The following ELMOD1 variants were observed in gnomAD, a reference collection of about 807,000 sequenced individuals.
ELMOD1 encodes ELMO domain containing 1.
In ELMOD1, 21 loss-of-function variants were observed where a neutral mutation model predicts 46.7. The ratio of observed to expected loss-of-function variants is 0.45; its 90% CI spans 0.32 to 0.65. ELMOD1 has a LOEUF of 0.65. Among genes scored for constraint, ELMOD1 ranks in the 30% least tolerant of loss-of-function variants. The pLI is 0.04. For synonymous variants in ELMOD1, 122 were observed against 138.2 expected, an observed-to-expected ratio of 0.88 and a Z score of 0.82; for missense variants, 348 against 407.8, an observed-to-expected ratio of 0.85 and a Z score of 1.26.
intron 11 of ELMOD1, among the ~76,000 whole-genome samples, chr11:107,663,427 A>G (rs586083): frequency 0.78 from 119,120 of 152,002 alleles, 47,568 homozygotes; most frequent in African/African-American, 0.94. Flanking sequence ...GCAGGATCAC[A>G]TGAGGCCAGG....
At chr11:107,651,466 G>A (rs1866524659) in intron 9 of ELMOD1, among the ~76,000 whole-genome samples, 1 of 151,972 alleles carries the variant, frequency 6.6e-6, no homozygotes, top group African/African-American at 2.4e-5. Context: ...CAAGATTCAG[G>A]GATAGGTTGA....
At chr11:107,635,791 C>A in intron 6 of ELMOD1, 26 bp downstream of exon 6, 1 of 1,598,358 alleles carries the variant, frequency 6.3e-7, no homozygotes, top group Non-Finnish European at 8.5e-7. Context: ...CATTTCGGTT[C>A]TTCCTCTAAG....
At chr11:107,643,880 C>G (rs1866370829) in intron 6 of ELMOD1, 1 of 211,912 alleles carries the variant, frequency 4.7e-6, no homozygotes, top group Admixed American at 5.3e-5. Context: ...ACAGTGCCAT[C>G]ATCTGAAGAT....
In ELMOD1 at chr11:107,665,278, C is replaced by T. The variant is rs1866823851; in HGVS notation, c.*81C>T. On this transcript the variant is annotated 3_prime_UTR_variant, in exon 12 of 12. Coordinates refer to ENST00000265840, the MANE Select transcript of ELMOD1 (RefSeq NM_018712.4). The stretch of plus-strand genomic sequence containing the variant: ...ATCTCTGCTTAGGTCGCAGCTCACG[C>T]ATTGAATGCACACAGTGATTGTATG... 7.2e-7 allele frequency: 1 copy of T among 1,386,572 alleles called. No individual in the cohort carries two copies. Among genetic ancestry groups the T allele is most frequent in the Non-Finnish European group, 1.0e-6 (1 of 1,001,710 alleles). The allele number at this position is 1,386,572 out of a possible 1,614,324, so 85.9% of individuals were successfully genotyped here.
intron 1 of ELMOD1, among the ~76,000 whole-genome samples, chr11:107,600,080 T>A (rs1865571391): frequency 6.6e-6 from 1 of 152,116 alleles, no homozygotes; most frequent in Non-Finnish European, 1.5e-5. Context: ...CATCTAGAAG[T>A]ACATAAGATA....
intron 1 of ELMOD1, among the ~76,000 whole-genome samples, chr11:107,604,072 C>T (rs1337239401): frequency 1.3e-5 from 2 of 150,494 alleles, no homozygotes; most frequent in African/African-American, 5.0e-5. Context: ...GTAGAGCATA[C>T]GCTGCCTTCA....
chr11:107,619,160 G>T (rs1415777596), intron 2 of ELMOD1, among the ~76,000 whole-genome samples: 2 of 152,156 alleles, frequency 1.3e-5, no homozygotes, highest in Non-Finnish European at 2.9e-5. Context: ...GGAGCACCCA[G>T]ATCAGTTTGT....
chr11:107,624,087 G>A (rs530849194), intron 2 of ELMOD1, among the ~76,000 whole-genome samples: 1 of 151,990 alleles, frequency 6.6e-6, no homozygotes, highest in South Asian at 2.1e-4. Context: ...ATAATAACAG[G>A]CCTATTTCTT....
At chr11:107,652,180 G>A (rs1183587794) in intron 9 of ELMOD1, among the ~76,000 whole-genome samples, 2 of 152,176 alleles carry the variant, frequency 1.3e-5, no homozygotes, top group East Asian at 1.9e-4. Flanking sequence ...TCTGATAAAA[G>A]TATATATGGA....
intron 1 of ELMOD1, among the ~76,000 whole-genome samples, chr11:107,595,154 T>A (rs940298406): frequency 1.4e-4 from 3 of 21,646 alleles, no homozygotes; most frequent in Non-Finnish European, 2.0e-4. Context: ...AATAAATCTG[T>A]TTTTTTTTTT....
intron 6 of ELMOD1, among the ~76,000 whole-genome samples, chr11:107,647,058 C>A (rs903637386): frequency 1.3e-5 from 2 of 151,998 alleles, no homozygotes; most frequent in African/African-American, 4.8e-5. Context: ...TATATAAGTA[C>A]TCAATCCATT....
At chr11:107,592,102 C>G (rs770866797) in intron 1 of ELMOD1, 5 of 382,598 alleles carry the variant, frequency 1.3e-5, no homozygotes, top group Non-Finnish European at 2.7e-5. Context: ...GTTGTGGGTG[C>G]TTTTTTTTGT....
chr11:107,608,946 A>G lies in ELMOD1; in HGVS notation c.-85-9159A>G, dbSNP rs142672432. Among the ~76,000 whole-genome samples the G allele has an allele frequency of 2.6e-5, 4 of 152,322 alleles. No homozygotes were observed. In the East Asian group the frequency reaches 7.7e-4, roughly 29 times the overall value. ...CCAGAGGTTTACCTTTGATTTCCAGAGGGAGCACAGGAAAGTGATTAATAG... is the reference window on the plus strand; with the variant it reads ...CCAGAGGTTTACCTTTGATTTCCAGGGGGAGCACAGGAAAGTGATTAATAG... On this transcript the variant is annotated intron_variant, in intron 1 of 11. Transcript: ENST00000265840.
At chr11:107,659,217 A>C (rs186187004) in intron 11 of ELMOD1, among the ~76,000 whole-genome samples, 1 of 152,326 alleles carries the variant, frequency 6.6e-6, no homozygotes, top group East Asian at 1.9e-4. Context: ...AAGCCACGTC[A>C]AACAGCATCA....
At chr11:107,611,182 G>A (rs959152646) in intron 1 of ELMOD1, among the ~76,000 whole-genome samples, 1 of 152,098 alleles carries the variant, frequency 6.6e-6, no homozygotes, top group Admixed American at 6.5e-5. Flanking sequence ...ACAACTGACA[G>A]AATGGGAGAA....
intron 6 of ELMOD1, among the ~76,000 whole-genome samples, chr11:107,642,480 G>T (rs1313574058): frequency 6.6e-6 from 1 of 151,896 alleles, no homozygotes; most frequent in African/African-American, 2.4e-5. Flanking sequence ...TCAATTCTCT[G>T]CCTCAGCCTC....
At chr11:107,604,084 C>T (rs1382059725) in intron 1 of ELMOD1, among the ~76,000 whole-genome samples, 2 of 149,004 alleles carry the variant, frequency 1.3e-5, no homozygotes. Context: ...CTGCCTTCAA[C>T]CAAGCATGTA....
chr11:107,612,850 A>C (rs753543332), intron 1 of ELMOD1, among the ~76,000 whole-genome samples: 2 of 152,260 alleles, frequency 1.3e-5, no homozygotes, highest in African/African-American at 2.4e-5. Context: ...TATTCTGTGA[A>C]TAATGAGTTA....
chr11:107,599,765 G>GAAAAA (rs67957721), intron 1 of ELMOD1, among the ~76,000 whole-genome samples: 14 of 78,926 alleles, frequency 1.8e-4, no homozygotes, highest in South Asian at 1.6e-3. Context: ...AAAAAGAAAA[G>GAAAAA]AAAAAAAAAA....
Sources: gnomAD v4.1 joint callset for allele counts (sites outside exome capture counted in the v4.1 genomes callset) on GRCh38, gnomAD v4.1.1 for gene constraint, MANE v1.5 for transcripts, NCBI Gene and HGNC (gene_info 2026-07-23, HGNC 2026-07-21) for gene names.